USP13: variants seen among roughly 807,000 people sequenced by gnomAD.
The protein encoded by USP13 is ubiquitin carboxyl-terminal hydrolase 13.
In USP13, 68 loss-of-function variants were observed where a neutral mutation model predicts 107.8. The observed-to-expected ratio is 0.63, with a 90% CI of 0.52 to 0.77. The LOEUF (loss-of-function observed/expected upper bound fraction) is 0.77. Ranked by LOEUF, USP13 falls within the 30% of genes least tolerant of loss-of-function variation. USP13 has a pLI of 0.00. For synonymous variants in USP13, 377 were observed against 389.5 expected (o/e 0.97, Z 0.38); for missense variants, 945 against 1,093.3 (o/e 0.86, Z 1.91).
chr3:179,662,768 A>G (rs9858077), intron 1 of USP13, among the ~76,000 whole-genome samples: 1,743 of 152,280 alleles, frequency 0.011, 34 homozygotes, highest in African/African-American at 0.04. Context: ...CCTGTCAGAA[A>G]GACTTTTTGG....
At chr3:179,670,291 CTCTT>C (rs1720712290) in intron 1 of USP13, among the ~76,000 whole-genome samples, 2 of 152,160 alleles carry the variant, frequency 1.3e-5, no homozygotes, top group Non-Finnish European at 2.9e-5. Context: ...TTGCCTGTCT[CTCTT>C]TACTAGGACT....
chr3:179,711,230 G>GT (rs1233016921), intron 6 of USP13, among the ~76,000 whole-genome samples: 1 of 151,682 alleles, frequency 6.6e-6, no homozygotes, highest in East Asian at 1.9e-4. Context: ...GTTTTGTTTT[G>GT]TTTTTTGAGA....
chr3:179,744,887 A>G (rs896834134), intron 12 of USP13, among the ~76,000 whole-genome samples, 156 bp from the exon 13 acceptor site: 1 of 152,182 alleles, frequency 6.6e-6, no homozygotes, highest in Non-Finnish European at 1.5e-5. Flanking sequence ...GCCCCAGAAC[A>G]GCCTTTCAGC....
chr3:179,665,742 T>C (rs562946890), intron 1 of USP13, among the ~76,000 whole-genome samples: 1 of 152,198 alleles, frequency 6.6e-6, no homozygotes, highest in South Asian at 2.1e-4. Flanking sequence ...TGCACCACCA[T>C]GCCCAGCTAA....
chr3:179,772,993 G>A (rs1560082311), intron 19 of USP13, among the ~76,000 whole-genome samples: 1 of 152,220 alleles, frequency 6.6e-6, no homozygotes, highest in East Asian at 1.9e-4. Flanking sequence ...GAGAGGGCAT[G>A]AGGGGAAATC....
At chr3:179,725,399 A>G (rs1246966813) in intron 8 of USP13, among the ~76,000 whole-genome samples, 2 of 152,186 alleles carry the variant, frequency 1.3e-5, no homozygotes, top group African/African-American at 4.8e-5. Context: ...TCTTCAGTAT[A>G]GTCCCTGCAT....
At chr3:179,723,295 CTA>C (rs1408594459) in intron 8 of USP13, among the ~76,000 whole-genome samples, 1 of 152,146 alleles carries the variant, frequency 6.6e-6, no homozygotes, top group Non-Finnish European at 1.5e-5. Flanking sequence ...TTTTCTATGT[CTA>C]TTTTTCATTT....
intron 17 of USP13, among the ~76,000 whole-genome samples, chr3:179,761,725 A>C (rs187550147): frequency 1.2e-3 from 187 of 152,328 alleles, no homozygotes; most frequent in African/African-American, 4.2e-3. Context: ...CTGTCTCAAA[A>C]AAACAAACAA....
chr3:179,710,381 A>G (rs1712879483), intron 6 of USP13, among the ~76,000 whole-genome samples: 1 of 152,198 alleles, frequency 6.6e-6, no homozygotes, highest in East Asian at 1.9e-4. Flanking sequence ...GCAAGGGGAC[A>G]ATAATTCAGA....
In USP13 at chr3:179,774,581, C is replaced by T. The variant is rs531981529; in HGVS notation, c.2414-7158C>T. Among the ~76,000 whole-genome samples the T allele has an allele frequency of 9.8e-4, 149 of 152,252 alleles. 3 individuals are homozygous for T. In the South Asian group the frequency reaches 0.029, roughly 29 times the overall value. On this transcript the variant is annotated intron_variant, in intron 19 of 20. Transcript: ENST00000263966. ...CCCTGTGGGTTTGTGGTCTCGCTGG[C>T]CTCAGGAGTGAAGCTGCAGACCTTT...
chr3:179,769,597 C>T (rs774817500), intron 19 of USP13, among the ~76,000 whole-genome samples: 8 of 152,068 alleles, frequency 5.3e-5, no homozygotes, highest in Non-Finnish European at 7.4e-5. Flanking sequence ...TTAGTAGAGA[C>T]GGAATTTCGC....
At chr3:179,665,542 T>G (rs945547627) in intron 1 of USP13, among the ~76,000 whole-genome samples, 1 of 152,212 alleles carries the variant, frequency 6.6e-6, no homozygotes, top group African/African-American at 2.4e-5. Flanking sequence ...CTTTAAGCCC[T>G]GATGAGTCAT....
intron 16 of USP13, among the ~76,000 whole-genome samples, chr3:179,758,157 G>A (rs112120008): frequency 4.5e-4 from 69 of 152,180 alleles, no homozygotes; most frequent in African/African-American, 1.4e-3. Flanking sequence ...AAACTTCCTA[G>A]ATCTAGGAAG....
At position 179,754,832 on chromosome 3, in the gene USP13, A is replaced by T; in HGVS notation, c.1899A>T (p.Ile633=). 1 of 1,612,358 alleles carries T rather than the reference A, an allele frequency of 6.2e-7. No homozygotes were observed. Among genetic ancestry groups the T allele is most frequent in the South Asian group, 1.1e-5 (1 of 90,506 alleles). The change falls in exon 15 of 21, where the codon ATA becomes ATT. Residue 633 remains isoleucine, a synonymous_variant. Transcript: ENST00000263966. ...EEELPDISPP[I]VIPDDSKDRL... is the part of the protein sequence containing the mutation. ...AACTTCCAGACATCAGCCCCCCCAT[A>T]GTCATTCCTGATGACTCAAAAGGTA...
chr3:179,748,442 G>T (rs976341014), intron 13 of USP13, among the ~76,000 whole-genome samples: 5 of 152,180 alleles, frequency 3.3e-5, no homozygotes, highest in African/African-American at 1.2e-4. Context: ...TTAATTTGGG[G>T]CCTTGGGTTT....
At chr3:179,659,588 T>C (rs1720397311) in intron 1 of USP13, among the ~76,000 whole-genome samples, 1 of 152,186 alleles carries the variant, frequency 6.6e-6, no homozygotes, top group Non-Finnish European at 1.5e-5. Context: ...CATATATTAT[T>C]ATACCTACAT....
At position 179,711,421 on chromosome 3, in the gene USP13, C is replaced by T. The variant is rs144203880; in HGVS notation, c.805+2464C>T. 5.9e-3 allele frequency among the ~76,000 whole-genome samples: 902 copies of T among 152,282 alleles called. 2 individuals carry two copies. Among genetic ancestry groups the T allele is most frequent in the Middle Eastern group, 0.02 (6 of 294 alleles). On this transcript the variant is annotated intron_variant, in intron 6 of 20. Transcript: ENST00000263966. ...AGAGATGGGGTTTCACCATGTTGGT[C>T]AGGTTGGCCTTGAACTCCTGACCTC...
intron 12 of USP13, among the ~76,000 whole-genome samples, chr3:179,743,694 C>CT (rs1340789771): frequency 6.6e-6 from 1 of 151,646 alleles, no homozygotes. Context: ...TGTCCATGAT[C>CT]TTTTTTTAAC....
Position 179,712,630 on chromosome 3 carries a change from C to G in USP13, c.805+3673C>G, listed in dbSNP as rs562072591. On this transcript the variant is annotated intron_variant, in intron 6 of 20. Transcript: ENST00000263966. ...TATGATGGTTTCATAAATCATTTCA[C>G]TATTCTGTAAGTGGTTACAATTTTT... Among the ~76,000 whole-genome samples, 3 of 152,156 alleles carry G rather than the reference C, an allele frequency of 2.0e-5. No individual in the cohort carries two copies. The South Asian group carries it at 6.2e-4, about 32-fold the overall frequency.
Sources: gnomAD v4.1 joint callset for allele counts (sites outside exome capture counted in the v4.1 genomes callset) on GRCh38, gnomAD v4.1.1 for gene constraint, MANE v1.5 for transcripts, NCBI Gene and HGNC (gene_info 2026-07-23, HGNC 2026-07-21) for gene names.